Variants in POLD3 observed in about 807,000 individuals in gnomAD.
The protein encoded by POLD3 is DNA polymerase delta 3, accessory subunit, also known as DNA polymerase delta subunit 3.
POLD3 carries 19 observed loss-of-function variants against 58.2 expected under a neutral mutation model. The ratio of observed to expected loss-of-function variants is 0.33; its 90% CI spans 0.23 to 0.48. POLD3 has a LOEUF of 0.48. Ranked by LOEUF, POLD3 falls within the 20% of genes least tolerant of loss-of-function variation. The pLI, the probability that POLD3 is intolerant of heterozygous loss-of-function variation, is 0.99. For synonymous variants in POLD3, 172 were observed against 193.5 expected (o/e 0.89, Z 0.92); for missense variants, 504 against 545.5 (o/e 0.92, Z 0.76).
chr11:74,611,411 C>T, intron 3 of POLD3, 88 bp from the exon 4 acceptor site: 1 of 771,248 alleles, frequency 1.3e-6, no homozygotes, highest in Non-Finnish European at 2.3e-6. Flanking sequence ...CCTAATTTCA[C>T]ATCCAAGCAC....
At chr11:74,618,327 T>C (rs2032142480) in intron 5 of POLD3, among the ~76,000 whole-genome samples, 1 of 152,224 alleles carries the variant, frequency 6.6e-6, no homozygotes, top group South Asian at 2.1e-4. Context: ...GACTCACTTC[T>C]CTCTAATATT....
At chr11:74,623,367 G>A (rs1027241101) in intron 7 of POLD3, among the ~76,000 whole-genome samples, 5 of 152,096 alleles carry the variant, frequency 3.3e-5, no homozygotes, top group Admixed American at 6.5e-5. Context: ...CCCAGGAGGC[G>A]GAGCTTGCAG....
intron 3 of POLD3, among the ~76,000 whole-genome samples, chr11:74,608,271 A>G (rs1317940853): frequency 2.6e-5 from 4 of 152,264 alleles, no homozygotes; most frequent in South Asian, 2.1e-4. Context: ...ATGCACCACC[A>G]TGCCCAGCTT....
At chr11:74,664,497 T>C (rs1282504290) in intron 4 of POLD3, among the ~76,000 whole-genome samples, 2 of 152,152 alleles carry the variant, frequency 1.3e-5, no homozygotes, top group Non-Finnish European at 2.9e-5. Context: ...CTTCACAAAC[T>C]CTTCCAAAAA....
rs529831052 is a variant in POLD3 at position 74,657,984 on chromosome 11, A to G, written c.370-10793A>G. ...CACCCTCTCCTGGCTTGTAAGGTTT[A>G]TTAGATGCCTCAAGGTAGTCAAGTT... On this transcript the variant is annotated intron_variant, in intron 4 of 4. Coordinates refer to the POLD3 transcript ENST00000524752. Among the ~76,000 whole-genome samples, 3 of 152,250 alleles carry G rather than the reference A, an allele frequency of 2.0e-5. No individual in the cohort carries two copies. The South Asian group carries it at 6.2e-4, about 32-fold the overall frequency.
intron 9 of POLD3, among the ~76,000 whole-genome samples, chr11:74,633,718 C>A (rs934633385): frequency 6.6e-6 from 1 of 152,160 alleles, no homozygotes; most frequent in African/African-American, 2.4e-5. Context: ...GATGGGATCC[C>A]TCTGGTGGTG....
At chr11:74,644,430 G>T (rs1415801495), downstream of POLD3, among the ~76,000 whole-genome samples, 1 of 152,206 alleles carries the variant, frequency 6.6e-6, no homozygotes, top group Non-Finnish European at 1.5e-5. Flanking sequence ...TGGCAGCTCT[G>T]TAAATTAGCC....
At chr11:74,654,055 CTATT>C (rs1485623309) in intron 4 of POLD3, among the ~76,000 whole-genome samples, 6 of 152,130 alleles carry the variant, frequency 3.9e-5, no homozygotes, top group Non-Finnish European at 8.8e-5. Flanking sequence ...TGAGGACTTA[CTATT>C]GGGAGGACAA....
At chr11:74,592,916 A>G (rs2031085301) in intron 1 of POLD3, 198 bp downstream of exon 1, 1 of 1,419,956 alleles carries the variant, frequency 7.0e-7, no homozygotes, top group African/African-American at 1.4e-5. Context: ...CACACACGGA[A>G]GTCCGCGTCC....
chr11:74,598,497 C>T (rs10899013), intron 2 of POLD3, among the ~76,000 whole-genome samples: 42,981 of 151,986 alleles, frequency 0.28, 6,173 homozygotes, highest in Middle Eastern at 0.37. Flanking sequence ...TTATTATGCG[C>T]ATAGATTCTT....
rs2135137406 is a variant in POLD3 at position 74,611,531 on chromosome 11, A to G, written c.252A>G (p.Lys84=). The G allele has an allele frequency of 2.6e-6, 4 of 1,565,054 alleles. No homozygotes were observed. The East Asian group carries it at 9.1e-5, about 36-fold the overall frequency. Residue 84 remains lysine (K), a synonymous_variant, in exon 4 of 12, where the codon AAA becomes AAG. Transcript: ENST00000263681. ...CHKVAVVRED[K]LEAVKSKLAV... is the part of the protein sequence containing the mutation. ...AGGTTGCAGTAGTGAGAGAAGATAA[A>G]TTGGAAGGTAAGTGTTTTAGTGACT...
chr11:74,636,053 C>T (rs1161030864), intron 10 of POLD3, 144 bp from the exon 11 acceptor site: 4 of 748,386 alleles, frequency 5.3e-6, no homozygotes, highest in Non-Finnish European at 8.7e-6. Flanking sequence ...GGGGTTGGTT[C>T]TCTAAAACTA....
chr11:74,611,541 A>G lies in POLD3; in HGVS notation c.259+3A>G, dbSNP rs756539625. 2.4e-5 allele frequency: 38 copies of G among 1,557,446 alleles called. No homozygotes were observed. Among genetic ancestry groups the G allele is most frequent in the Non-Finnish European group, 3.2e-5 (37 of 1,140,100 alleles). On this transcript the variant is annotated splice_donor_region_variant and intron_variant, in intron 4 of 11. Coordinates refer to ENST00000263681, the MANE Select transcript of POLD3 (RefSeq NM_006591.3). ...AGTGAGAGAAGATAAATTGGAAGGT[A>G]AGTGTTTTAGTGACTTAGCAAGTTT...
At chr11:74,621,849 TTTTATTTA>T (rs60400893) in intron 7 of POLD3, among the ~76,000 whole-genome samples, 5 of 149,394 alleles carry the variant, frequency 3.3e-5, no homozygotes, top group Admixed American at 6.6e-5. Context: ...CCTCATTTCT[TTTTATTTA>T]TTTATTTATT....
chr11:74,629,378 A>G lies in POLD3; in HGVS notation c.1006+55A>G. 4 of 963,474 alleles carry G rather than the reference A, an allele frequency of 4.2e-6. No individual in the cohort carries two copies. In the Admixed American group the frequency reaches 8.3e-5, roughly 20 times the overall value. 59.7% of individuals were successfully genotyped at this position (963,474 alleles called of 1,614,324 possible). ...GGGATCAATTTTACTTTCAATGTTC[A>G]AGGAGCTAAAAAAGTAATGGATTAA... On this transcript the variant is annotated intron_variant, in intron 9 of 11. Coordinates refer to ENST00000263681, the MANE Select transcript of POLD3 (RefSeq NM_006591.3).
At chr11:74,616,065 A>T (rs1191131856) in intron 5 of POLD3, among the ~76,000 whole-genome samples, 1 of 152,184 alleles carries the variant, frequency 6.6e-6, no homozygotes, top group African/African-American at 2.4e-5. Context: ...AAAAAATTTT[A>T]AAATCTAGTT....
intron 7 of POLD3, among the ~76,000 whole-genome samples, chr11:74,623,723 T>G (rs916635311): frequency 2.0e-5 from 3 of 152,294 alleles, no homozygotes; most frequent in Middle Eastern, 3.4e-3. Flanking sequence ...CTTGAAAAGG[T>G]TTCGTGTTTT....
At position 74,641,650 on chromosome 11, in the gene POLD3, G is replaced by A; in HGVS notation, c.*884G>A. The A allele has an allele frequency of 2.0e-6, 2 of 985,274 alleles. No individual in the cohort carries two copies. The highest frequency in any genetic ancestry group is 2.4e-6 in the Non-Finnish European group (2 of 829,864). 61.0% of individuals were successfully genotyped at this position (985,274 alleles called of 1,614,324 possible). ...CGTACAATGAGATAAAGACTAAAAA[G>A]AGAAATCCCTTCCTATATACAGTGT... On this transcript the variant is annotated 3_prime_UTR_variant, in exon 12 of 12. Transcript: ENST00000263681.
intron 4 of POLD3, among the ~76,000 whole-genome samples, chr11:74,661,584 G>T (rs2033207548): frequency 6.6e-6 from 1 of 152,178 alleles, no homozygotes. Flanking sequence ...CTGGAGTGGG[G>T]TGACACAAAC....
Sources: allele counts gnomAD v4.1 joint callset (sites outside exome capture counted in the v4.1 genomes callset), GRCh38; gene constraint gnomAD v4.1.1; transcripts MANE v1.5; gene names NCBI Gene and HGNC (gene_info 2026-07-23, HGNC 2026-07-21).